The following SH3PXD2A variants were observed in gnomAD, a reference collection of about 807,000 sequenced individuals.
SH3PXD2A encodes SH3 and PX domains 2A, also known as SH3 and PX domain-containing protein 2A.
Under a neutral mutation model 115.2 loss-of-function variants are expected in SH3PXD2A, and 32 were observed. The ratio of observed to expected loss-of-function variants is 0.28; its 90% CI spans 0.21 to 0.37. The LOEUF (loss-of-function observed/expected upper bound fraction) is 0.37, where lower values mean the gene tolerates loss of function less well. Among genes scored for constraint, SH3PXD2A ranks in the 10% least tolerant of loss-of-function variants. The pLI is 1.00. For synonymous variants in SH3PXD2A, 610 were observed against 629.1 expected (o/e 0.97, Z 0.45); for missense variants, 1,328 against 1,498.7 (o/e 0.89, Z 1.88).
At chr10:103,724,432 C>CT in intron 4 of SH3PXD2A, 71 bp from the exon 5 acceptor site, 1 of 851,022 alleles carries the variant, frequency 1.2e-6, no homozygotes, top group Non-Finnish European at 1.8e-6. Flanking sequence ...GACAGTGTCA[C>CT]CTTACACCAA....
Position 103,627,053 on chromosome 10 carries a change from C to T in SH3PXD2A, c.718+36G>A, listed in dbSNP as rs570683936. 1.8e-4 allele frequency: 214 copies of T among 1,188,276 alleles called. 3 individuals are homozygous for T. Among genetic ancestry groups the T allele is most frequent in the South Asian group, 1.6e-3 (133 of 82,084 alleles). The allele number at this position is 1,188,276 out of a possible 1,614,324, so 73.6% of individuals were successfully genotyped here. On this transcript the variant is annotated intron_variant, in intron 9 of 14. Transcript: ENST00000369774. This position sits in a 1 kb window ranked among gnomAD's most constrained non-coding sequence, Gnocchi z 4.4. ...GTGAGAGAGCTGCCTCCAGAGGCCGCGTTGCTCCCTGCCCCTTGGACCTGC... is the reference window on the plus strand; with the variant it reads ...GTGAGAGAGCTGCCTCCAGAGGCCGTGTTGCTCCCTGCCCCTTGGACCTGC...
chr10:103,830,877 G>A (rs2039476531), intron 1 of SH3PXD2A, among the ~76,000 whole-genome samples: 1 of 151,418 alleles, frequency 6.6e-6, no homozygotes, highest in Non-Finnish European at 1.5e-5. Context: ...GAGGATTAGG[G>A]CTAAAAGAAA....
chr10:103,629,696 T>C (rs1175523738), intron 8 of SH3PXD2A, among the ~76,000 whole-genome samples: 1 of 152,232 alleles, frequency 6.6e-6, no homozygotes, highest in Admixed American at 6.5e-5. Flanking sequence ...AGGACCCATT[T>C]GTTGACATGG....
intron 1 of SH3PXD2A, among the ~76,000 whole-genome samples, chr10:103,802,247 T>A (rs1031776763): frequency 4.6e-5 from 7 of 152,210 alleles, no homozygotes; most frequent in African/African-American, 1.4e-4. Flanking sequence ...CATCTCAGCA[T>A]CCCTGTCTTT....
intron 1 of SH3PXD2A, among the ~76,000 whole-genome samples, chr10:103,803,906 A>G (rs545722908): frequency 6.6e-6 from 1 of 152,182 alleles, no homozygotes; most frequent in South Asian, 2.1e-4. Flanking sequence ...TAAGATTTAC[A>G]TTGGTTCCAT....
intron 1 of SH3PXD2A, among the ~76,000 whole-genome samples, chr10:103,836,933 C>T (rs1480889647): frequency 1.3e-5 from 2 of 152,164 alleles, no homozygotes; most frequent in Non-Finnish European, 2.9e-5. Flanking sequence ...AGCCCCTCTC[C>T]GTTTCCTTAG....
rs561963293 is a variant in SH3PXD2A, at chr10:103,692,240, A to G, written c.427+788T>C. 4.6e-3 allele frequency among the ~76,000 whole-genome samples: 697 copies of G among 152,222 alleles called. 2 individuals carry two copies. Among genetic ancestry groups the G allele is most frequent in the Middle Eastern group, 0.024 (7 of 294 alleles). On this transcript the variant is annotated intron_variant, in intron 6 of 14. Transcript: ENST00000369774. ...GCCCGCCCACATCCAGGCGTTTGCC[A>G]TTTGGGGAGCCCAGCCTCCCACTTC...
chr10:103,617,226 C>G lies in SH3PXD2A; in HGVS notation c.891G>C (p.Arg297=). The G allele has an allele frequency of 6.2e-7, 1 of 1,614,004 alleles. No homozygotes were observed. The highest frequency in any genetic ancestry group is 2.2e-5 in the East Asian group (1 of 44,878). Residue 297 remains arginine (R), a synonymous_variant, in exon 11 of 15, where the codon CGG becomes CGC. Transcript: ENST00000369774. ...FEKGVTVEVI[R]KNLEGWWYIR... is the part of the protein sequence containing the mutation. ...TATACCACCAGCCTTCCAGATTCTT[C>G]CGGATCACCTCCACTGTGACGCCCT...
chr10:103,714,695 C>T (rs2038084993), intron 5 of SH3PXD2A, among the ~76,000 whole-genome samples: 1 of 152,212 alleles, frequency 6.6e-6, no homozygotes, highest in Non-Finnish European at 1.5e-5. Flanking sequence ...CCTCAGCCTC[C>T]CACAGCTCCA....
At chr10:103,854,641 A>G (rs1483289550) in intron 1 of SH3PXD2A, among the ~76,000 whole-genome samples, 4 of 152,214 alleles carry the variant, frequency 2.6e-5, no homozygotes, top group South Asian at 4.1e-4. Flanking sequence ...CGACGGACAC[A>G]ATGGCTTTAT....
chr10:103,689,149 C>T (rs984188922), intron 6 of SH3PXD2A, among the ~76,000 whole-genome samples: 4 of 152,030 alleles, frequency 2.6e-5, no homozygotes, highest in Admixed American at 2.0e-4. Context: ...GTTGGGATTA[C>T]AGGAGTGAGC....
intron 2 of SH3PXD2A, among the ~76,000 whole-genome samples, chr10:103,800,579 G>A (rs1206437550): frequency 6.6e-6 from 1 of 152,198 alleles, no homozygotes; most frequent in African/African-American, 2.4e-5. Flanking sequence ...GGCTGCACAA[G>A]CTTCCCTGGT....
At chr10:103,826,293 A>G (rs2039429923) in intron 1 of SH3PXD2A, among the ~76,000 whole-genome samples, 1 of 152,068 alleles carries the variant, frequency 6.6e-6, no homozygotes, top group African/African-American at 2.4e-5. Flanking sequence ...CATCATCCCT[A>G]TTCTCCAAGT....
At chr10:103,655,198 G>A (rs2037192217) in intron 8 of SH3PXD2A, among the ~76,000 whole-genome samples, 1 of 152,218 alleles carries the variant, frequency 6.6e-6, no homozygotes, top group South Asian at 2.1e-4. Context: ...GGACCTCGTG[G>A]GGCCAGGCAC....
At chr10:103,692,815 G>A (rs753166135) in intron 6 of SH3PXD2A, among the ~76,000 whole-genome samples, 3 of 152,220 alleles carry the variant, frequency 2.0e-5, no homozygotes, top group Non-Finnish European at 4.4e-5. Flanking sequence ...GTCGGTGGAA[G>A]GCGAACGAGG....
intron 2 of SH3PXD2A, among the ~76,000 whole-genome samples, chr10:103,796,072 T>C (rs1414775515): frequency 6.6e-6 from 1 of 151,924 alleles, no homozygotes; most frequent in Non-Finnish European, 1.5e-5. Context: ...ATTAAGACCA[T>C]ATGGGGGCCG....
intron 6 of SH3PXD2A, among the ~76,000 whole-genome samples, chr10:103,670,381 A>G (rs1402379285): frequency 6.6e-6 from 1 of 152,230 alleles, no homozygotes. Context: ...TAAATTAGAT[A>G]ATATGTAATA....
At chr10:103,623,272 C>A (rs545377329) in intron 9 of SH3PXD2A, among the ~76,000 whole-genome samples, 27 of 138,874 alleles carry the variant, frequency 1.9e-4, no homozygotes, top group African/African-American at 8.9e-4. Flanking sequence ...GACAGGGGCC[C>A]CCTCCCCAGC....
intron 8 of SH3PXD2A, among the ~76,000 whole-genome samples, chr10:103,645,582 G>A (rs1310364861): frequency 6.6e-6 from 1 of 152,182 alleles, no homozygotes; most frequent in East Asian, 1.9e-4. Flanking sequence ...CCGCTTACAG[G>A]AATGGAAGAT....
Sources: allele counts gnomAD v4.1 joint callset (sites outside exome capture counted in the v4.1 genomes callset), GRCh38; gene constraint gnomAD v4.1.1; non-coding constraint Gnocchi (gnomAD v3.1); transcripts MANE v1.5; gene names NCBI Gene and HGNC (gene_info 2026-07-23, HGNC 2026-07-21).